Variants in RNF170 observed in about 807,000 individuals in gnomAD.
RNF170 encodes ring finger protein 170.
Under a neutral mutation model 32.7 loss-of-function variants are expected in RNF170, and 12 were observed. The observed-to-expected ratio is 0.37, with a 90% confidence interval of 0.24 to 0.60. The LOEUF (loss-of-function observed/expected upper bound fraction) is 0.60, where lower values mean the gene tolerates loss of function less well. Ranked by LOEUF, RNF170 falls within the 20% of genes least tolerant of loss-of-function variation. RNF170 has a pLI of 0.72. For synonymous variants in RNF170, 91 were observed against 103.6 expected, an observed-to-expected ratio of 0.88 and a Z score of 0.74; for missense variants, 212 against 311.2, an observed-to-expected ratio of 0.68 and a Z score of 2.40.
intron 1 of RNF170, among the ~76,000 whole-genome samples, chr8:42,890,301 G>A (rs1368320466): frequency 2.8e-5 from 4 of 145,288 alleles, no homozygotes; most frequent in Non-Finnish European, 1.5e-5. Context: ...TTTTTGAGAC[G>A]GAGTCTTGCT....
At chr8:42,874,077 A>C (rs1169914086) in intron 2 of RNF170, 71 bp from the exon 3 acceptor site, 1 of 877,990 alleles carries the variant, frequency 1.1e-6, no homozygotes, top group African/African-American at 1.7e-5. Context: ...TCATGGGTCT[A>C]CTTTCTGACT....
chr8:42,886,730 A>G lies in RNF170; in HGVS notation c.137+998T>C, dbSNP rs77596119. Among the ~76,000 whole-genome samples the G allele has an allele frequency of 2.6e-5, 4 of 152,286 alleles. No individual in the cohort carries two copies. The East Asian group carries it at 7.8e-4, about 30-fold the overall frequency. ...GCGTGAGCCACCACATCCAGCCTAA[A>G]TTAATTTTAGAATCAGGTGCAGTGG... is the stretch of plus-strand genomic sequence containing the variant. On this transcript the variant is annotated intron_variant, in intron 2 of 6. Coordinates refer to ENST00000527424, the MANE Select transcript of RNF170 (RefSeq NM_030954.4).
intron 6 of RNF170, chr8:42,861,405 A>G (rs180980862): frequency 2.3e-5 from 5 of 214,386 alleles, no homozygotes; most frequent in African/African-American, 4.6e-5. Context: ...CAATAGTGCG[A>G]TCATGGCTCA....
At chr8:42,897,141 G>A (rs1248182238), upstream of RNF170, 1 of 1,247,570 alleles carries the variant, frequency 8.0e-7, no homozygotes, top group East Asian at 3.1e-5. Flanking sequence ...GATGTTCAGC[G>A]TAGAGTCGCT....
chr8:42,896,569 G>A lies in RNF170; in HGVS notation c.-93C>T. The A allele has an allele frequency of 2.2e-6, 1 of 453,920 alleles. No homozygotes were observed. The highest frequency in any genetic ancestry group is 1.6e-5 in the South Asian group (1 of 64,476). The allele number at this position is 453,920 out of a possible 1,614,324, so 28.1% of individuals were successfully genotyped here. On this transcript the variant is annotated 5_prime_UTR_variant, in exon 1 of 7. Coordinates refer to ENST00000527424, the MANE Select transcript of RNF170 (RefSeq NM_030954.4). ...GGACCGCTCCCGCCACCCCTCCCGGGCAACCCACTAGACGTCCCCTTTCTA... is the reference window on the plus strand; with the variant it reads ...GGACCGCTCCCGCCACCCCTCCCGGACAACCCACTAGACGTCCCCTTTCTA...
chr8:42,883,876 C>T (rs138349847), intron 2 of RNF170, among the ~76,000 whole-genome samples: 1 of 152,064 alleles, frequency 6.6e-6, no homozygotes, highest in East Asian at 1.9e-4. Context: ...ACAAATGCCA[C>T]CCCTTCCCCA....
At position 42,854,313 on chromosome 8, in the gene RNF170, A is replaced by G. The variant is rs1054650639; in HGVS notation, c.*1846T>C. 9.3e-6 allele frequency: 12 copies of G among 1,287,112 alleles called. No homozygotes were observed. The highest frequency in any genetic ancestry group is 1.5e-5 in the African/African-American group (1 of 65,798). 79.7% of individuals were successfully genotyped at this position (1,287,112 alleles called of 1,614,324 possible). On this transcript the variant is annotated 3_prime_UTR_variant, in exon 7 of 7. Coordinates refer to ENST00000527424, the MANE Select transcript of RNF170 (RefSeq NM_030954.4). ...ACTTTCACGTCTATCTAAACATTCTATGCAGGAGTCCTACTAAGAAATTTT... is the reference window on the plus strand; with the variant it reads ...ACTTTCACGTCTATCTAAACATTCTGTGCAGGAGTCCTACTAAGAAATTTT...
At chr8:42,890,230 A>G (rs1048139327) in intron 1 of RNF170, among the ~76,000 whole-genome samples, 1 of 149,746 alleles carries the variant, frequency 6.7e-6, no homozygotes, top group East Asian at 1.9e-4. Flanking sequence ...TATATTATAT[A>G]TAAATATTTG....
intron 2 of RNF170, among the ~76,000 whole-genome samples, chr8:42,885,838 A>G (rs1805772582): frequency 6.6e-6 from 1 of 152,090 alleles, no homozygotes; most frequent in African/African-American, 2.4e-5. Flanking sequence ...AGCTCACTGC[A>G]GACTTGACTT....
chr8:42,860,881 C>T (rs1803603399), intron 6 of RNF170, among the ~76,000 whole-genome samples: 1 of 152,026 alleles, frequency 6.6e-6, no homozygotes, highest in African/African-American at 2.4e-5. Flanking sequence ...CCACACTCAG[C>T]TAATTTTTGT....
At chr8:42,895,050 A>T (rs897865595) in intron 1 of RNF170, among the ~76,000 whole-genome samples, 1 of 151,996 alleles carries the variant, frequency 6.6e-6, no homozygotes, top group Non-Finnish European at 1.5e-5. Context: ...TCGGTGGCTC[A>T]CACTTTTGAT....
At chr8:42,872,900 T>C (rs1293589186) in intron 3 of RNF170, among the ~76,000 whole-genome samples, 4 of 152,074 alleles carry the variant, frequency 2.6e-5, no homozygotes, top group Non-Finnish European at 5.9e-5. Flanking sequence ...AAACCCTTAT[T>C]GGGGCTAGGC....
At chr8:42,886,205 CAG>C (rs908738697) in intron 2 of RNF170, among the ~76,000 whole-genome samples, 13 of 151,228 alleles carry the variant, frequency 8.6e-5, no homozygotes, top group African/African-American at 3.2e-4. Context: ...GCCTGGGCAA[CAG>C]AGTGAGACTC....
chr8:42,851,583 AAGAAAAAG>A (rs1802944576), downstream of RNF170, among the ~76,000 whole-genome samples: 1 of 151,224 alleles, frequency 6.6e-6, no homozygotes, highest in South Asian at 2.1e-4. Context: ...AAAAAAAAGA[AAGAAAAAG>A]AAAGAACAAG....
intron 1 of RNF170, among the ~76,000 whole-genome samples, chr8:42,888,908 G>A (rs955091797): frequency 6.6e-6 from 1 of 151,948 alleles, no homozygotes; most frequent in Non-Finnish European, 1.5e-5. Context: ...TGTATATCTT[G>A]TGGCATTTCC....
chr8:42,860,442 G>A (rs1803570328), intron 6 of RNF170, among the ~76,000 whole-genome samples: 1 of 151,580 alleles, frequency 6.6e-6, no homozygotes, highest in South Asian at 2.1e-4. Flanking sequence ...TTTTTTCTGA[G>A]ACGGGAGTCT....
In RNF170 at chr8:42,865,848, G is replaced by A. The variant is rs563080157; in HGVS notation, c.323-359C>T. Among the ~76,000 whole-genome samples, 10 of 152,214 alleles carry A rather than the reference G, an allele frequency of 6.6e-5. No homozygotes were observed. In the East Asian group the frequency reaches 1.5e-3, roughly 24 times the overall value. ...AAAAATACAAAAATTAGCCGGGTGC[G>A]GTGGCACACGCCTGTAATCCCAGCT... On this transcript the variant is annotated intron_variant, in intron 4 of 6. Transcript: ENST00000527424.
intron 2 of RNF170, chr8:42,881,181 T>A (rs1340447129): frequency 3.3e-5 from 5 of 152,142 alleles, no homozygotes; most frequent in African/African-American, 1.2e-4. Context: ...ACAACCCGAT[T>A]CAAAAATGGG....
At chr8:42,879,691 T>C (rs76922204) in intron 2 of RNF170, among the ~76,000 whole-genome samples, 1 of 151,924 alleles carries the variant, frequency 6.6e-6, no homozygotes, top group Admixed American at 6.6e-5. Flanking sequence ...TTTTTTTTTT[T>C]GAGACAGAGT....
Sources: gnomAD v4.1 joint callset for allele counts (sites outside exome capture counted in the v4.1 genomes callset) on GRCh38, gnomAD v4.1.1 for gene constraint, MANE v1.5 for transcripts, NCBI Gene and HGNC (gene_info 2026-07-23, HGNC 2026-07-21) for gene names.